The following LMNTD1 variants were observed in gnomAD, a reference collection of about 807,000 sequenced individuals.
LMNTD1 encodes the protein lamin tail domain-containing protein 1.
A neutral mutation model predicts 50.9 loss-of-function variants in LMNTD1; 35 were observed. The ratio of observed to expected loss-of-function variants is 0.69; its 90% CI spans 0.53 to 0.91. LMNTD1 has a LOEUF of 0.91. Among genes scored for constraint, LMNTD1 ranks in the 40% least tolerant of loss-of-function variants. LMNTD1 has a pLI of 0.00. For missense variants in LMNTD1, 470 were observed against 475.5 expected (o/e 0.99, Z 0.11); for synonymous variants, 153 against 161.9 (o/e 0.94, Z 0.42).
At chr12:25,538,752 T>A (rs1281904030) in intron 4 of LMNTD1, among the ~76,000 whole-genome samples, 2 of 100,728 alleles carry the variant, frequency 2.0e-5, no homozygotes, top group Non-Finnish European at 4.6e-5. Flanking sequence ...ATGGACTAAA[T>A]GCCCCAATTA....
chr12:25,546,266 G>T, intron 4 of LMNTD1, 108 bp downstream of exon 4: 1 of 549,216 alleles, frequency 1.8e-6, no homozygotes, highest in Non-Finnish European at 3.0e-6. Context: ...ACTGATTAGT[G>T]TTTTAGATAA....
chr12:25,612,358 A>G (rs1946268789), intron 1 of LMNTD1, among the ~76,000 whole-genome samples: 1 of 151,032 alleles, frequency 6.6e-6, no homozygotes, highest in Admixed American at 6.6e-5. Context: ...ACACTGAACC[A>G]CTACTCACAG....
Position 25,518,917 on chromosome 12 carries a change from T to C in LMNTD1, c.1067A>G (p.Gln356Arg). The C allele has an allele frequency of 1.2e-6, 2 of 1,614,192 alleles. No homozygotes were observed. The highest frequency in any genetic ancestry group is 2.2e-5 in the South Asian group (2 of 91,090). ...AGGATGTGCAGAGACATAGGGATTC[T>C]GGCACCAAGGGCTGCGATTAGGGAA... Reference protein sequence around the residue: ...TVFPNRSPWCQNPYVSAHPYC... With the variant: ...TVFPNRSPWCRNPYVSAHPYC... Residue 356 changes from glutamine to arginine, a missense_variant, in exon 8 of 10, where the codon CAG becomes CGG. Coordinates refer to ENST00000458174, the MANE Select transcript of LMNTD1 (RefSeq NM_001145728.2).
intron 9 of LMNTD1, among the ~76,000 whole-genome samples, chr12:25,499,230 C>T (rs756329388): frequency 6.6e-6 from 1 of 152,066 alleles, no homozygotes; most frequent in South Asian, 2.1e-4. Context: ...TGCCAACACA[C>T]CCGGCTGTTT....
chr12:25,606,501 A>G (rs367785483), intron 1 of LMNTD1, among the ~76,000 whole-genome samples: 2 of 152,240 alleles, frequency 1.3e-5, no homozygotes, highest in African/African-American at 4.8e-5. Context: ...TTTGAGATAC[A>G]TCCCATCAAT....
chr12:25,523,816 T>TAAA (rs745735879), intron 6 of LMNTD1, among the ~76,000 whole-genome samples: 11 of 80,568 alleles, frequency 1.4e-4, no homozygotes, highest in African/African-American at 4.6e-4. Context: ...GTGACTCAGG[T>TAAA]AAAAAAAAAA....
intron 3 of LMNTD1, chr12:25,547,236 G>A (rs78687533): frequency 6.4e-6 from 6 of 934,672 alleles, no homozygotes; most frequent in Non-Finnish European, 6.4e-6. Flanking sequence ...TTACAAAGAC[G>A]CGTCGTGATG....
At chr12:25,496,120 T>C (rs1236517490) in intron 9 of LMNTD1, among the ~76,000 whole-genome samples, 1 of 152,170 alleles carries the variant, frequency 6.6e-6, no homozygotes, top group Non-Finnish European at 1.5e-5. Flanking sequence ...AGGGAAATAA[T>C]TGAAAACACC....
At chr12:25,557,790 A>G (rs1292096637), upstream of LMNTD1, among the ~76,000 whole-genome samples, 17 of 152,226 alleles carry the variant, frequency 1.1e-4, no homozygotes, top group Non-Finnish European at 2.5e-4. Context: ...TTGAACCAAG[A>G]GCAAATAGTT....
At chr12:25,564,525 G>A (rs1944473274) in intron 1 of LMNTD1, among the ~76,000 whole-genome samples, 2 of 152,254 alleles carry the variant, frequency 1.3e-5, no homozygotes, top group Admixed American at 1.3e-4. Context: ...CCAAAGTGCT[G>A]GGATTACAGG....
chr12:25,567,978 C>T (rs753257240), intron 1 of LMNTD1, among the ~76,000 whole-genome samples: 37 of 152,066 alleles, frequency 2.4e-4, no homozygotes, highest in African/African-American at 6.8e-4. Context: ...AACTGGGTAA[C>T]GGGCAGAGGT....
chr12:25,539,302 A>G (rs897671040), intron 4 of LMNTD1, among the ~76,000 whole-genome samples: 5 of 152,072 alleles, frequency 3.3e-5, no homozygotes, highest in African/African-American at 1.2e-4. Context: ...CACCTATTCC[A>G]AAATTGACCA....
intron 2 of LMNTD1, among the ~76,000 whole-genome samples, chr12:25,552,156 C>T (rs1374484929): frequency 6.6e-6 from 1 of 152,134 alleles, no homozygotes; most frequent in East Asian, 1.9e-4. Context: ...AATGGTAATG[C>T]TTTAGTTGAT....
At chr12:25,553,482 T>G (rs546299310), upstream of LMNTD1, among the ~76,000 whole-genome samples, 10 of 152,184 alleles carry the variant, frequency 6.6e-5, no homozygotes, top group Admixed American at 4.6e-4. Context: ...ATATCTTGTT[T>G]TGTATTTCTA....
In LMNTD1 at chr12:25,476,114, A is replaced by G. The variant is rs923134414; in HGVS notation, c.*369T>C. 6.6e-6 allele frequency: 1 copy of G among 152,246 alleles called. No individual in the cohort carries two copies. Among genetic ancestry groups the G allele is most frequent in the African/African-American group, 2.4e-5 (1 of 41,464 alleles). The allele number at this position is 152,246 out of a possible 1,614,324, so 9.4% of individuals were successfully genotyped here. A position where few individuals can be genotyped will look rare whatever the true frequency, so the allele number is the denominator to read the frequency against. ...AAAGAGATTTATCAGTCAATGTAAA[A>G]TGGTTAAACAATTGCACGTGCTCTT... On this transcript the variant is annotated 3_prime_UTR_variant, in exon 10 of 10. Coordinates refer to ENST00000458174, the MANE Select transcript of LMNTD1 (RefSeq NM_001145728.2).
At chr12:25,498,557 T>G (rs1318106644) in intron 9 of LMNTD1, among the ~76,000 whole-genome samples, 2 of 152,168 alleles carry the variant, frequency 1.3e-5, no homozygotes, top group African/African-American at 2.4e-5. Flanking sequence ...CTGTAGAAAC[T>G]GTGGAAGTTG....
At chr12:25,524,245 C>G (rs185382408) in intron 6 of LMNTD1, among the ~76,000 whole-genome samples, 7 of 152,264 alleles carry the variant, frequency 4.6e-5, no homozygotes, top group Admixed American at 1.3e-4. Flanking sequence ...TCAGTTTCTA[C>G]TAGCAGACTC....
intron 1 of LMNTD1, among the ~76,000 whole-genome samples, chr12:25,580,502 T>C (rs1325715187): frequency 6.6e-6 from 1 of 152,216 alleles, no homozygotes; most frequent in Non-Finnish European, 1.5e-5. Context: ...GGCTGTGCTT[T>C]ATTCATCCTA....
intron 6 of LMNTD1, among the ~76,000 whole-genome samples, chr12:25,525,039 T>C (rs190942418): frequency 6.6e-6 from 1 of 152,280 alleles, no homozygotes; most frequent in African/African-American, 2.4e-5. Flanking sequence ...TGTTAACATA[T>C]TTTGTTAGTA....
Sources: allele counts gnomAD v4.1 joint callset (sites outside exome capture counted in the v4.1 genomes callset), GRCh38; gene constraint gnomAD v4.1.1; transcripts MANE v1.5; gene names NCBI Gene and HGNC (gene_info 2026-07-23, HGNC 2026-07-21).